The following FUS variants were observed in gnomAD, a reference collection of about 807,000 sequenced individuals.
The protein encoded by FUS is FUS RNA binding protein.
Under a neutral mutation model 82.7 loss-of-function variants are expected in FUS, and 5 were observed. The ratio of observed to expected loss-of-function variants is 0.06; its 90% CI spans 0.03 to 0.13. The LOEUF is 0.13. Ranked by LOEUF, FUS falls within the 10% of genes least tolerant of loss-of-function variation. The pLI is 1.00. For missense variants in FUS, 512 were observed against 707.8 expected, an observed-to-expected ratio of 0.72 and a Z score of 3.14; for synonymous variants, 281 against 247.4, an observed-to-expected ratio of 1.14 and a Z score of -1.27.
chr16:31,182,751 C>G (rs886095104), intron 3 of FUS, 87 bp downstream of exon 3: 18 of 1,552,600 alleles, frequency 1.2e-5, no homozygotes, highest in Middle Eastern at 2.0e-4. Context: ...GAGTCTGGTC[C>G]TGTTGCCCAG....
At position 31,191,083 on chromosome 16, in the gene FUS, G is replaced by C; in HGVS notation, c.1514G>C (p.Gly505Ala). The C allele has an allele frequency of 6.2e-7, 1 of 1,613,050 alleles. No individual in the cohort carries two copies. The highest frequency in any genetic ancestry group is 8.5e-7 in the Non-Finnish European group (1 of 1,180,012). ...GGCCGGGGTGGTGGGGACAGAGGTG[G>C]CTTTGGCCCTGGCAAGATGGATTCC... ...RGGRGGGDRG[G>A]FGPGKMDSRG... Residue 505 changes from glycine to alanine, a missense_variant, in exon 14 of 15, where the codon GGC becomes GCC. By Grantham distance (60) the Gly-to-Ala change is moderately conservative. This residue lies in a region of FUS where 96 missense variants were observed against 120.7 expected (regional missense o/e 0.80). Transcript: ENST00000254108.
intron 3 of FUS, 41 bp from the exon 4 acceptor site, chr16:31,183,817 T>A (rs201458952): frequency 6.2e-7 from 1 of 1,613,798 alleles, no homozygotes; most frequent in Non-Finnish European, 8.5e-7. Flanking sequence ...ATTTTCTCTT[T>A]CCTGGTGGCT....
chr16:31,187,065 G>T, intron 7 of FUS: 1 of 598,520 alleles, frequency 1.7e-6, no homozygotes, highest in Non-Finnish European at 3.0e-6. Flanking sequence ...TTTGCCCCAG[G>T]TTAATAAGAG....
At chr16:31,187,988 G>T (rs1462293866) in intron 7 of FUS, 4 of 397,710 alleles carry the variant, frequency 1.0e-5, no homozygotes, top group Non-Finnish European at 1.4e-5. Context: ...GGGCCAAGCT[G>T]AGTTGGTTTG....
At chr16:31,183,362 CTCT>C (rs897442433) in intron 3 of FUS, 17 of 162,870 alleles carry the variant, frequency 1.0e-4, no homozygotes, top group South Asian at 4.6e-4. Flanking sequence ...ATTTTTTTGA[CTCT>C]TCTTATTTTC....
rs2079312368 is a variant in FUS at position 31,188,956 on chromosome 16, C to T, written c.833-167C>T. 3 of 645,664 alleles carry T rather than the reference C, an allele frequency of 4.6e-6. 1 individual carries two copies. Among genetic ancestry groups the T allele is most frequent in the South Asian group, 3.5e-5 (2 of 56,754 alleles). The allele number at this position is 645,664 out of a possible 1,614,324, so 40.0% of individuals were successfully genotyped here. The stretch of plus-strand genomic sequence containing the variant: ...TTGTCAAACTGAATCTGAAATTTAT[C>T]AGCATGGCTGGCATATAGGGACTCA... On this transcript the variant is annotated intron_variant, in intron 8 of 14. Coordinates refer to ENST00000254108, the MANE Select transcript of FUS (RefSeq NM_004960.4).
chr16:31,189,048 C>CTT, intron 8 of FUS, 75 bp from the exon 9 acceptor site: 1 of 1,074,166 alleles, frequency 9.3e-7, no homozygotes, highest in Non-Finnish European at 1.5e-6. Flanking sequence ...TTGATGGATA[C>CTT]TAGGTGCTTT....
intron 3 of FUS, 89 bp downstream of exon 3, chr16:31,182,753 G>C (rs781716946): frequency 1.9e-6 from 3 of 1,548,266 alleles, no homozygotes; most frequent in South Asian, 2.2e-5. Context: ...GTCTGGTCCT[G>C]TTGCCCAGGC....
At chr16:31,194,721 T>TA (rs1243862095), downstream of FUS, 5 of 485,552 alleles carry the variant, frequency 1.0e-5, no homozygotes, top group Admixed American at 1.2e-4. Flanking sequence ...TTCATATCAT[T>TA]AGCATGAATG....
chr16:31,188,095 T>C, intron 7 of FUS: 1 of 591,354 alleles, frequency 1.7e-6, no homozygotes. Context: ...TGTGGAGTTG[T>C]CTCTGTGGAG....
At position 31,190,860 on chromosome 16, in the gene FUS, G is replaced by A; in HGVS notation, c.1393+18G>A. ...TCACATGGGTAAGAAAGGCAGACCT[G>A]GTGCTAGGGAGCTGGGACCAAAGAA... is the stretch of plus-strand genomic sequence containing the variant. On this transcript the variant is annotated intron_variant, in intron 13 of 14. Coordinates refer to ENST00000254108, the MANE Select transcript of FUS (RefSeq NM_004960.4). 2 of 1,613,574 alleles carry A rather than the reference G, an allele frequency of 1.2e-6. No individual in the cohort carries two copies. Among genetic ancestry groups the A allele is most frequent in the Non-Finnish European group, 1.7e-6 (2 of 1,179,438 alleles).
chr16:31,182,352 TCA>T, intron 1 of FUS, 44 bp from the exon 2 acceptor site: 2 of 1,610,534 alleles, frequency 1.2e-6, no homozygotes, highest in Non-Finnish European at 8.5e-7. Flanking sequence ...TTCAACTCTT[TCA>T]GAGTGGCAGC....
upstream of FUS, chr16:31,180,134 G>C (rs1158621295): frequency 4.5e-6 from 7 of 1,564,094 alleles, no homozygotes; most frequent in Non-Finnish European, 1.7e-6. Flanking sequence ...GCAGGAGGCG[G>C]GGCTGCTCAG....
downstream of FUS, chr16:31,192,803 C>T (rs539152103): frequency 1.2e-4 from 57 of 481,188 alleles, 1 homozygote; most frequent in South Asian, 8.2e-4. Flanking sequence ...AACTCCTGAC[C>T]TCAGGTGATC....
Position 31,189,139 on chromosome 16 carries a change from C to A in FUS, c.849C>A (p.Asp283Glu). The A allele has an allele frequency of 6.2e-7, 1 of 1,613,490 alleles. No individual in the cohort carries two copies. Among genetic ancestry groups the A allele is most frequent in the Non-Finnish European group, 8.5e-7 (1 of 1,179,420 alleles). ...AACAAGCAGAACAGGATAATTCAGACAACAACACCATCTTTGTGCAAGGCC... is the reference window on the plus strand; with the variant it reads ...AACAAGCAGAACAGGATAATTCAGAAAACAACACCATCTTTGTGCAAGGCC... ...SRHDSEQDNSDNNTIFVQGLG... is the reference protein window; with the variant it reads ...SRHDSEQDNSENNTIFVQGLG... The change falls in exon 9 of 15, where the codon GAC (aspartate) becomes GAA (glutamate). Residue 283 changes from aspartate (D) to glutamate (E), a missense_variant. Around this residue, in one of 6 missense-constraint regions of FUS, gnomAD observed 51 missense variants for 72.2 expected, o/e 0.71. Coordinates refer to ENST00000254108, the MANE Select transcript of FUS (RefSeq NM_004960.4).
chr16:31,185,333 A>G (rs2079252054), intron 6 of FUS, 154 bp downstream of exon 6: 4 of 897,174 alleles, frequency 4.5e-6, no homozygotes, highest in South Asian at 3.6e-5. Context: ...TTCTTTTTAC[A>G]TCCCCATTTT....
At chr16:31,182,476 C>G in intron 2 of FUS, 37 bp from the exon 3 acceptor site, 3 of 1,614,176 alleles carry the variant, frequency 1.9e-6, no homozygotes, top group Non-Finnish European at 2.5e-6. Context: ...GTGGTCACGC[C>G]ATGTTTTCTG....
intron 5 of FUS, 127 bp from the exon 6 acceptor site, chr16:31,184,812 T>C: frequency 1.0e-6 from 1 of 970,124 alleles, no homozygotes; most frequent in South Asian, 1.4e-5. Context: ...CTGTCTTGTT[T>C]CCTAGCTGTC....
At chr16:31,190,226 T>G (rs1315147791) in intron 11 of FUS, 49 bp from the exon 12 acceptor site, 1 of 1,614,010 alleles carries the variant, frequency 6.2e-7, no homozygotes, top group Non-Finnish European at 8.5e-7. Flanking sequence ...GGGTTAGATT[T>G]ACCAAACTTG....
Sources: allele counts gnomAD v4.1 joint callset, GRCh38; gene constraint gnomAD v4.1.1; regional missense constraint gnomAD v4.1.1; transcripts MANE v1.5; gene names NCBI Gene and HGNC (gene_info 2026-07-23, HGNC 2026-07-21).